CPVL: variants seen among roughly 807,000 people sequenced by gnomAD.
The protein encoded by CPVL is carboxypeptidase vitellogenic like.
In CPVL, 51 loss-of-function variants were observed where a neutral mutation model predicts 63.7. That is an observed-to-expected ratio of 0.80 (90% CI 0.64 to 1.01). CPVL has a LOEUF of 1.01. Among genes scored for constraint, CPVL ranks in the 50% least tolerant of loss-of-function variants. The pLI, the probability that CPVL is intolerant of heterozygous loss-of-function variation, is 0.00. For synonymous variants in CPVL, 195 were observed against 206.0 expected, an observed-to-expected ratio of 0.95 and a Z score of 0.46; for missense variants, 530 against 573.1, an observed-to-expected ratio of 0.92 and a Z score of 0.77.
intron 3 of CPVL, among the ~76,000 whole-genome samples, chr7:29,112,235 T>C (rs1185639134): frequency 6.6e-6 from 1 of 152,156 alleles, no homozygotes; most frequent in Non-Finnish European, 1.5e-5. Context: ...AAGTGGGTAC[T>C]GAGTGCATGA....
At position 29,041,248 on chromosome 7, in the gene CPVL, G is replaced by T. The variant is rs180948918; in HGVS notation, c.1138-10489C>A. On this transcript the variant is annotated intron_variant, in intron 11 of 12. Coordinates refer to ENST00000265394, the MANE Select transcript of CPVL (RefSeq NM_031311.5). ...CCGGGTTTACACCTGGCTAATTTTT[G>T]TATTTTTTGGTAGAGACAAGGTTTC... 3.2e-3 allele frequency among the ~76,000 whole-genome samples: 467 copies of T among 146,316 alleles called. 3 individuals are homozygous for T. The highest frequency in any genetic ancestry group is 0.011 in the African/African-American group (444 of 39,466).
chr7:29,066,397 AG>A (rs1783142036), intron 9 of CPVL, among the ~76,000 whole-genome samples: 1 of 152,218 alleles, frequency 6.6e-6, no homozygotes, highest in South Asian at 2.1e-4. Context: ...TATGGTAGAC[AG>A]TGATAAACTC....
At chr7:29,146,874 C>T, upstream of CPVL, 1 of 1,551,210 alleles carries the variant, frequency 6.4e-7, no homozygotes. Context: ...CCAGGATTTA[C>T]ATTTGGAAAG....
chr7:29,042,467 C>T (rs2128165358), intron 11 of CPVL, among the ~76,000 whole-genome samples: 1 of 152,026 alleles, frequency 6.6e-6, no homozygotes, highest in Non-Finnish European at 1.5e-5. Flanking sequence ...CAGCCAAGCA[C>T]AGCAGCATGC....
At chr7:29,086,012 G>T (rs1785163485) in intron 7 of CPVL, among the ~76,000 whole-genome samples, 3 of 152,236 alleles carry the variant, frequency 2.0e-5, no homozygotes, top group Middle Eastern at 6.8e-3. Flanking sequence ...GTTATGAAAG[G>T]GCTGGGCATG....
intron 1 of CPVL, among the ~76,000 whole-genome samples, chr7:29,141,643 G>T (rs245868): frequency 0.34 from 51,371 of 151,684 alleles, 8,825 homozygotes; most frequent in South Asian, 0.4. Flanking sequence ...TTGGCCGGGC[G>T]TTGTGGCTCA....
intron 5 of CPVL, among the ~76,000 whole-genome samples, chr7:29,152,119 C>CT (rs1362820277): frequency 6.6e-6 from 1 of 152,196 alleles, no homozygotes; most frequent in Non-Finnish European, 1.5e-5. Flanking sequence ...ACTCTATAGC[C>CT]TCTGAAGGGT....
At chr7:29,189,303 A>G (rs1049936581) in intron 1 of CPVL, among the ~76,000 whole-genome samples, 5 of 152,232 alleles carry the variant, frequency 3.3e-5, no homozygotes, top group Admixed American at 6.5e-5. Context: ...CTGGCACATA[A>G]TGAGTGTTTA....
chr7:29,043,266 G>A (rs541114434), intron 11 of CPVL, among the ~76,000 whole-genome samples: 2 of 149,458 alleles, frequency 1.3e-5, no homozygotes, highest in Admixed American at 1.3e-4. Context: ...TCTGTGCTCT[G>A]TGTTCTTTAT....
At chr7:29,147,020 G>C (rs1464029186), upstream of CPVL, 1 of 1,547,634 alleles carries the variant, frequency 6.5e-7, no homozygotes, top group Non-Finnish European at 8.7e-7. Flanking sequence ...CTGCGCTGGA[G>C]TCTCAGAGCC....
At chr7:29,093,963 G>A (rs1291432724) in intron 5 of CPVL, among the ~76,000 whole-genome samples, 1 of 152,168 alleles carries the variant, frequency 6.6e-6, no homozygotes, top group African/African-American at 2.4e-5. Flanking sequence ...CTCCTATTTT[G>A]CACCTTAATA....
intron 3 of CPVL, among the ~76,000 whole-genome samples, chr7:29,105,396 G>A (rs888865743): frequency 8.5e-5 from 13 of 152,216 alleles, no homozygotes; most frequent in African/African-American, 2.9e-4. Context: ...CCGAGTGCCT[G>A]GAGAAGCAAA....
downstream of CPVL, among the ~76,000 whole-genome samples, chr7:28,994,909 C>G (rs963103932): frequency 2.6e-5 from 4 of 152,108 alleles, no homozygotes; most frequent in Admixed American, 1.3e-4. Flanking sequence ...ATGCATAAAT[C>G]GAAAAGATGT....
chr7:29,044,588 C>T (rs1413403528), intron 11 of CPVL, among the ~76,000 whole-genome samples: 1 of 152,098 alleles, frequency 6.6e-6, no homozygotes, highest in Non-Finnish European at 1.5e-5. Flanking sequence ...ACATCTACGT[C>T]GACTTTTTAC....
At chr7:29,125,123 C>T (rs966234818) in intron 1 of CPVL, 6 of 152,138 alleles carry the variant, frequency 3.9e-5, no homozygotes, top group African/African-American at 1.4e-4. Context: ...ATTATCATAT[C>T]TGAATTTCAT....
chr7:29,024,048 A>G (rs1316994975), intron 12 of CPVL, among the ~76,000 whole-genome samples: 1 of 152,206 alleles, frequency 6.6e-6, no homozygotes, highest in Non-Finnish European at 1.5e-5. Flanking sequence ...TTATTAAAGA[A>G]GCTTAGCGAG....
intron 1 of CPVL, among the ~76,000 whole-genome samples, chr7:29,138,830 T>C (rs916549017): frequency 6.6e-6 from 1 of 152,174 alleles, no homozygotes; most frequent in African/African-American, 2.4e-5. Flanking sequence ...CCACGGGCAC[T>C]TGGCAGCAGC....
intron 5 of CPVL, among the ~76,000 whole-genome samples, chr7:29,159,218 C>G (rs1182969470): frequency 1.3e-5 from 2 of 152,158 alleles, no homozygotes. Flanking sequence ...TGAGATGGAC[C>G]TTGAAAATTA....
chr7:29,019,447 T>C (rs1180769886), intron 12 of CPVL, among the ~76,000 whole-genome samples: 1 of 152,184 alleles, frequency 6.6e-6, no homozygotes, highest in East Asian at 1.9e-4. Context: ...CATGGCTTGA[T>C]GTGAATACAC....
Sources: gnomAD v4.1 joint callset for allele counts (sites outside exome capture counted in the v4.1 genomes callset) on GRCh38, gnomAD v4.1.1 for gene constraint, MANE v1.5 for transcripts, NCBI Gene and HGNC (gene_info 2026-07-23, HGNC 2026-07-21) for gene names.